The following PLCB3 variants were observed in gnomAD, a reference collection of about 807,000 sequenced individuals.
The protein encoded by PLCB3 is 1-phosphatidylinositol 4,5-bisphosphate phosphodiesterase beta-3.
In PLCB3, 54 loss-of-function variants were observed where a neutral mutation model predicts 152.1. That is an observed-to-expected ratio of 0.36 (90% CI 0.29 to 0.45). The LOEUF (loss-of-function observed/expected upper bound fraction) is 0.45, where lower values mean the gene tolerates loss of function less well. Among genes scored for constraint, PLCB3 ranks in the 20% least tolerant of loss-of-function variants. The probability of loss-of-function intolerance (pLI) is 1.00; values close to 1 mark genes in which losing one functional copy is unlikely to be tolerated. For synonymous variants in PLCB3, 717 were observed against 698.7 expected (o/e 1.03, Z -0.41); for missense variants, 1,248 against 1,687.5 (o/e 0.74, Z 4.56).
intron 19 of PLCB3, 95 bp downstream of exon 19, chr11:64,262,903 G>C: frequency 1.5e-6 from 2 of 1,308,632 alleles, no homozygotes; most frequent in Non-Finnish European, 2.1e-6. Context: ...GCACACCGTT[G>C]GCGACTGGGG....
chr11:64,259,369 C>T, intron 13 of PLCB3, 125 bp downstream of exon 13: 1 of 825,812 alleles, frequency 1.2e-6, no homozygotes, highest in Middle Eastern at 3.7e-4. Context: ...CCTGTTCCCA[C>T]AACCGGCCTG....
intron 1 of PLCB3, among the ~76,000 whole-genome samples, chr11:64,252,330 A>C (rs1326944931): frequency 6.6e-6 from 1 of 151,560 alleles, no homozygotes; most frequent in African/African-American, 2.4e-5. Context: ...TTGCCCCCCA[A>C]GTTCCTCCAC....
Position 64,265,325 on chromosome 11 carries a change from C to A in PLCB3, c.2858C>A (p.Pro953Gln). The change falls in exon 25 of 31, where the codon CCG becomes CAG. Residue 953 changes from proline (P) to glutamine (Q), a missense_variant. Physicochemically the swap from Pro to Gln is moderately conservative, Grantham distance 76. Coordinates refer to ENST00000279230, the MANE Select transcript of PLCB3 (RefSeq NM_000932.5). The part of the protein sequence containing the change: ...ASILSEVAPT[P>Q]LDELRGHKAL... Reference sequence around the variant, plus strand: ...CCGCTCCCAGAGGTGGCCCCCACCCCGCTGGATGAGCTCCGAGGTCACAAG... The same window carrying A: ...CCGCTCCCAGAGGTGGCCCCCACCCAGCTGGATGAGCTCCGAGGTCACAAG... The A allele has an allele frequency of 6.3e-7, 1 of 1,599,146 alleles. No homozygotes were observed.
In PLCB3 at chr11:64,255,897, G is replaced by A; in HGVS notation, c.698+76G>A. The A allele has an allele frequency of 3.5e-6, 4 of 1,136,114 alleles. No individual in the cohort carries two copies. In the South Asian group the frequency reaches 3.7e-5, roughly 10 times the overall value. The allele number at this position is 1,136,114 out of a possible 1,614,324, so 70.4% of individuals were successfully genotyped here. On this transcript the variant is annotated intron_variant, in intron 8 of 30. Transcript: ENST00000279230. The surrounding 1 kb of genome is among the most constrained non-coding windows in gnomAD (Gnocchi z 6.8). ...TGCTTAGCGTGCCTCTAGCTCAATG[G>A]GGAGAGGGGAAACTGGTGGGCCGGG...
At position 64,259,881 on chromosome 11, in the gene PLCB3, C is replaced by T. The variant is rs2031752436; in HGVS notation, c.1526-148C>T. 8 of 674,592 alleles carry T rather than the reference C, an allele frequency of 1.2e-5. No homozygotes were observed. In the South Asian group the frequency reaches 1.4e-4, roughly 12 times the overall value. 41.8% of individuals were successfully genotyped at this position (674,592 alleles called of 1,614,324 possible). A position where few individuals can be genotyped will look rare whatever the true frequency, so the allele number is the denominator to read the frequency against. On this transcript the variant is annotated intron_variant, in intron 13 of 30. Transcript: ENST00000279230. ...GGTTAATACCATCTGACCTCGACCTCTTGGCCTCTCCCCAAGCCACACTGC... is the reference window on the plus strand; with the variant it reads ...GGTTAATACCATCTGACCTCGACCTTTTGGCCTCTCCCCAAGCCACACTGC...
Position 64,255,631 on chromosome 11 carries a change from GACAGGGGC to G in PLCB3, c.597+16_597+23del. The G allele has an allele frequency of 1.7e-6, 1 of 604,060 alleles. No individual in the cohort carries two copies. The highest frequency in any genetic ancestry group is 3.1e-6 in the Non-Finnish European group (1 of 321,558). The allele number at this position is 604,060 out of a possible 1,614,324, so 37.4% of individuals were successfully genotyped here. A position where few individuals can be genotyped will look rare whatever the true frequency, so the allele number is the denominator to read the frequency against. ...AATTCAACCGGGTGTGTGGGGTGGG[GACAGGGGC>G]GGGGTGGGGTGTCACGGTGGGCACC... is the stretch of plus-strand genomic sequence containing the variant. On this transcript the variant is annotated intron_variant, in intron 7 of 30. Coordinates refer to ENST00000279230, the MANE Select transcript of PLCB3 (RefSeq NM_000932.5). This position sits in a 1 kb window ranked among gnomAD's most constrained non-coding sequence, Gnocchi z 6.8.
intron 13 of PLCB3, among the ~76,000 whole-genome samples, chr11:64,259,615 T>G (rs981393146): frequency 1.3e-5 from 2 of 152,062 alleles, no homozygotes; most frequent in African/African-American, 4.8e-5. Context: ...CAGTTGGTTA[T>G]CATTTCAGCT....
intron 17 of PLCB3, 71 bp downstream of exon 17, chr11:64,262,147 G>T: frequency 6.3e-7 from 1 of 1,598,830 alleles, no homozygotes; most frequent in Non-Finnish European, 8.6e-7. Flanking sequence ...GATCCTGCTG[G>T]TCTTGCCTGA....
chr11:64,251,803 C>A, intron 1 of PLCB3, 55 bp downstream of exon 1: 1 of 1,071,396 alleles, frequency 9.3e-7, no homozygotes, highest in Non-Finnish European at 1.3e-6. Context: ...CAGTCAAGCT[C>A]GACCAGACGC....
chr11:64,262,302 T>C (rs1159459360), intron 17 of PLCB3, 105 bp from the exon 18 acceptor site: 1 of 1,443,334 alleles, frequency 6.9e-7, no homozygotes. Context: ...AGCCCGCCCC[T>C]GACCCTGGAC....
At position 64,256,482 on chromosome 11, in the gene PLCB3, C is replaced by A. The variant is rs909277851; in HGVS notation, c.805C>A (p.Pro269Thr). The change falls in exon 9 of 31, where the codon CCC (proline) becomes ACC (threonine). Residue 269 changes from proline to threonine, a missense_variant. Coordinates refer to ENST00000279230, the MANE Select transcript of PLCB3 (RefSeq NM_000932.5). ...CGAAGTGCTGTACCCGCCCCTGCGG[C>A]CCTCCCAGGCCCGGCTGCTCATCGA... ...LNEVLYPPLR[P>T]SQARLLIEKY... 6.2e-7 allele frequency: 1 copy of A among 1,613,774 alleles called. No individual in the cohort carries two copies. Among genetic ancestry groups the A allele is most frequent in the African/African-American group, 1.3e-5 (1 of 74,918 alleles).
At position 64,265,351 on chromosome 11, in the gene PLCB3, G is replaced by A. The variant is rs1300440757; in HGVS notation, c.2884G>A (p.Ala962Thr). Residue 962 changes from alanine to threonine, a missense_variant, in exon 25 of 31, where the codon GCT becomes ACT. Physicochemically the swap from Ala to Thr is moderately conservative, Grantham distance 58 (BLOSUM62 0). This residue lies in a region of PLCB3 where 477 missense variants were observed against 489.6 expected (regional missense o/e 0.97). Transcript: ENST00000279230. ...TPLDELRGHKALVKLRSRQER... is the reference protein window; with the variant it reads ...TPLDELRGHKTLVKLRSRQER... The stretch of plus-strand genomic sequence containing the variant: ...GCTGGATGAGCTCCGAGGTCACAAG[G>A]CTCTGGTCAAGCTCCGGAGCCGGCA... 2 of 1,610,792 alleles carry A rather than the reference G, an allele frequency of 1.2e-6. No homozygotes were observed. The highest frequency in any genetic ancestry group is 1.7e-6 in the Non-Finnish European group (2 of 1,178,874).
At chr11:64,262,585 C>T (rs1487860601) in intron 18 of PLCB3, 24 bp downstream of exon 18, 2 of 1,612,756 alleles carry the variant, frequency 1.2e-6, no homozygotes, top group Non-Finnish European at 1.7e-6. Flanking sequence ...GCGGCTCAGG[C>T]CAGGGGTGTC....
At position 64,266,411 on chromosome 11, in the gene PLCB3, G is replaced by A; in HGVS notation, c.3356+7G>A. On this transcript the variant is annotated splice_region_variant and intron_variant, in intron 28 of 30. Transcript: ENST00000279230. This position sits in a 1 kb window ranked among gnomAD's most constrained non-coding sequence, Gnocchi z 4.9. ...ACAAGCATAAGAAGGAGGCGTAAGG[G>A]CACCGGGACCGGGGGCCATCTGGGT... 1 of 1,602,754 alleles carries A rather than the reference G, an allele frequency of 6.2e-7. No homozygotes were observed.
chr11:64,267,359 GC>G lies in PLCB3; in HGVS notation c.3511del (p.Gln1171SerfsTer95). 6.5e-7 allele frequency: 1 copy of G among 1,546,026 alleles called. No homozygotes were observed. Among genetic ancestry groups the G allele is most frequent in the Non-Finnish European group, 8.7e-7 (1 of 1,143,632 alleles). On this transcript the variant is annotated frameshift_variant, in exon 31 of 31. Coordinates refer to ENST00000279230, the MANE Select transcript of PLCB3 (RefSeq NM_000932.5). LOFTEE classifies it high-confidence loss of function. The surrounding 1 kb of genome is among the most constrained non-coding windows in gnomAD (Gnocchi z 5.2). ...QLAEEEPKLL[A>X]QLAQECQEQR... ...GCCCATCCTTCTCCCACAGCTGCTG[GC>G]CCAGCTGGCCCAGGAGTGTCAGGAG...
chr11:64,259,204 C>T lies in PLCB3; in HGVS notation c.1485C>T (p.Ser495=), dbSNP rs927622614. The part of the protein sequence containing the change: ...RPLEQSNSAL[S]ESSAATEPSS... ...TGGAGCAGAGCAATTCTGCCCTGAG[C>T]GAGAGCTCCGCGGCCACCGAGCCCT... The change falls in exon 13 of 31, where the codon AGC becomes AGT. Residue 495 remains serine (S), a synonymous_variant. Transcript: ENST00000279230. 7 of 1,578,858 alleles carry T rather than the reference C, an allele frequency of 4.4e-6. No individual in the cohort carries two copies. The highest frequency in any genetic ancestry group is 2.7e-5 in the African/African-American group (2 of 73,838).
In PLCB3 at chr11:64,262,394, C is replaced by A; in HGVS notation, c.2039-13C>A. On this transcript the variant is annotated splice_polypyrimidine_tract_variant and intron_variant, in intron 17 of 30. Coordinates refer to ENST00000279230, the MANE Select transcript of PLCB3 (RefSeq NM_000932.5). Reference sequence around the variant, plus strand: ...GATCCCTGCCCCTGCTCGACGTGCCCGTGGCACCCCAGATGTGGCGATGCA... The same window carrying A: ...GATCCCTGCCCCTGCTCGACGTGCCAGTGGCACCCCAGATGTGGCGATGCA... 2 of 1,608,908 alleles carry A rather than the reference C, an allele frequency of 1.2e-6. No homozygotes were observed. Among genetic ancestry groups the A allele is most frequent in the Non-Finnish European group, 1.7e-6 (2 of 1,176,182 alleles).
chr11:64,255,129 G>A lies in PLCB3; in HGVS notation c.387+91G>A. 6.5e-7 allele frequency: 1 copy of A among 1,541,188 alleles called. No homozygotes were observed. The highest frequency in any genetic ancestry group is 1.4e-5 in the African/African-American group (1 of 73,672). On this transcript the variant is annotated intron_variant, in intron 4 of 30. Transcript: ENST00000279230. This position sits in a 1 kb window ranked among gnomAD's most constrained non-coding sequence, Gnocchi z 6.8. Reference sequence around the variant, plus strand: ...CCGAACACCTGCTGTGTTCTAGGCTGCTCTGTGACCTACTGTGTACCAGAG... The same window carrying A: ...CCGAACACCTGCTGTGTTCTAGGCTACTCTGTGACCTACTGTGTACCAGAG...
In PLCB3 at chr11:64,255,194, T is replaced by TC. The variant is rs768779398; in HGVS notation, c.388-35dup. 5 of 1,561,388 alleles carry TC rather than the reference T, an allele frequency of 3.2e-6. No individual in the cohort carries two copies. Among genetic ancestry groups the TC allele is most frequent in the Non-Finnish European group, 4.4e-6 (5 of 1,134,164 alleles). On this transcript the variant is annotated intron_variant, in intron 4 of 30. Transcript: ENST00000279230. The surrounding 1 kb of genome is among the most constrained non-coding windows in gnomAD (Gnocchi z 6.8). Reference sequence around the variant, plus strand: ...GGGTTGTGGCTGGGCAGCCCCTGTGTCCCCCACTCACCGCCTCCCCGTGTA... The same window carrying TC: ...GGGTTGTGGCTGGGCAGCCCCTGTGTCCCCCCACTCACCGCCTCCCCGTGTA...
Sources: allele counts gnomAD v4.1 joint callset (sites outside exome capture counted in the v4.1 genomes callset), GRCh38; gene constraint gnomAD v4.1.1; regional missense constraint gnomAD v4.1.1; non-coding constraint Gnocchi (gnomAD v3.1); transcripts MANE v1.5; gene names NCBI Gene and HGNC (gene_info 2026-07-23, HGNC 2026-07-21).